Variants in DACH2 observed in about 807,000 individuals in gnomAD.
DACH2 encodes the protein dachshund family transcription factor 2.
In DACH2, 17 loss-of-function variants were observed where a neutral mutation model predicts 35.8. That is an observed-to-expected ratio of 0.48 (90% CI 0.33 to 0.71). The LOEUF (loss-of-function observed/expected upper bound fraction) is 0.71, where lower values mean the gene tolerates loss of function less well. Among genes scored for constraint, DACH2 ranks in the 30% least tolerant of loss-of-function variants. The pLI is 0.02. For synonymous variants in DACH2, 195 were observed against 177.3 expected, an observed-to-expected ratio of 1.10 and a Z score of -0.79; for missense variants, 469 against 472.7, an observed-to-expected ratio of 0.99 and a Z score of 0.07.
chrX:86,255,028 T>C (rs1477029662), intron 1 of DACH2, among the ~76,000 whole-genome samples: 2 of 107,803 alleles, frequency 1.9e-5, no homozygotes, highest in African/African-American at 6.8e-5. Context: ...GCTTCAGTAA[T>C]GGAGAGATGT....
At chrX:86,282,036 GTA>G (rs2034040015) in intron 1 of DACH2, among the ~76,000 whole-genome samples, 1 of 111,996 alleles carries the variant, frequency 8.9e-6, no homozygotes, top group Non-Finnish European at 1.9e-5. Context: ...CTATGCTCAG[GTA>G]TAGGAAGAAT....
intron 1 of DACH2, among the ~76,000 whole-genome samples, chrX:86,357,588 T>C (rs1424290290): frequency 8.9e-6 from 1 of 112,530 alleles, no homozygotes; most frequent in African/African-American, 3.2e-5. Flanking sequence ...TGTGACATTC[T>C]TCGTGTATTT....
intron 2 of DACH2, among the ~76,000 whole-genome samples, chrX:86,435,176 G>T (rs1276575110): frequency 9.0e-6 from 1 of 111,580 alleles, no homozygotes; most frequent in Non-Finnish European, 1.9e-5. Flanking sequence ...ATTTTTCAGT[G>T]AGGGCTAGAC....
rs907135498 is a variant in DACH2, at chrX:86,436,215, C to A, written c.527+59353C>A. 2.7e-5 allele frequency among the ~76,000 whole-genome samples: 3 copies of A among 110,657 alleles called. No individual in the cohort carries two copies. The Admixed American group carries it at 2.9e-4, about 11-fold the overall frequency. ...ATTTGAAGTTATGCTTATAAGGAAA[C>A]CTTGATCAACTGCCATATTAATTCA... On this transcript the variant is annotated intron_variant, in intron 2 of 11. Coordinates refer to ENST00000373125, the MANE Select transcript of DACH2 (RefSeq NM_053281.3).
intron 2 of DACH2, among the ~76,000 whole-genome samples, chrX:86,489,686 A>T (rs917840313): frequency 3.2e-4 from 36 of 111,795 alleles, no homozygotes; most frequent in African/African-American, 1.0e-3. Context: ...CTCGCTTCAT[A>T]AATTACATTT....
rs1481936008 is a variant in DACH2, at chrX:86,681,607, CTCTA to C, written c.773-13412_773-13409del. ...TCTCTCTTTCTCCCTCTCTCTCTCT[CTCTA>C]TATATATATATAATTATATATGATA... On this transcript the variant is annotated intron_variant, in intron 4 of 11. Transcript: ENST00000373125. Among the ~76,000 whole-genome samples, 519 of 101,362 alleles carry C rather than the reference CTCTA, an allele frequency of 5.1e-3. 5 individuals carry two copies. Among genetic ancestry groups the C allele is most frequent in the African/African-American group, 0.018 (493 of 27,682 alleles). The allele number at this position is 101,362 out of a possible 115,157, so 88.0% of individuals were successfully genotyped here.
intron 1 of DACH2, among the ~76,000 whole-genome samples, chrX:86,159,817 A>G (rs1380756458): frequency 9.0e-6 from 1 of 111,680 alleles, no homozygotes; most frequent in Non-Finnish European, 1.9e-5. Flanking sequence ...AAAACGTGGA[A>G]AATTAAAATA....
chrX:86,514,874 C>A (rs772767833), intron 3 of DACH2, among the ~76,000 whole-genome samples: 20 of 111,374 alleles, frequency 1.8e-4, no homozygotes, highest in Non-Finnish European at 3.4e-4. Flanking sequence ...GAAGAAGGTG[C>A]AGGTGGTCAT....
At chrX:86,828,940 G>A (rs754396415) in intron 11 of DACH2, 1 of 111,814 alleles carries the variant, frequency 8.9e-6, no homozygotes, top group South Asian at 3.7e-4. Context: ...GTCTGCCCTA[G>A]CATTAAGTTC....
intron 2 of DACH2, among the ~76,000 whole-genome samples, chrX:86,498,979 C>A (rs896574748): frequency 1.3e-4 from 14 of 111,817 alleles, no homozygotes; most frequent in Non-Finnish European, 2.4e-4. Flanking sequence ...CTTTGTATTT[C>A]TTTTACCCGT....
intron 2 of DACH2, among the ~76,000 whole-genome samples, chrX:86,386,325 T>C (rs1214963526): frequency 8.9e-6 from 1 of 111,736 alleles, no homozygotes; most frequent in East Asian, 2.8e-4. Flanking sequence ...ATTTTCATCA[T>C]ATCATGTAAA....
At chrX:86,577,687 A>G (rs2039452715) in intron 3 of DACH2, among the ~76,000 whole-genome samples, 1 of 111,581 alleles carries the variant, frequency 9.0e-6, no homozygotes, top group Admixed American at 9.6e-5. Context: ...TCTAGTCACC[A>G]GAAAGACCAA....
rs904845149 is a variant in DACH2, at chrX:86,750,524, C to T, written c.1240+10642C>T. 1.2e-4 allele frequency among the ~76,000 whole-genome samples: 13 copies of T among 111,994 alleles called. No homozygotes were observed. In the East Asian group the frequency reaches 1.4e-3, roughly 12 times the overall value. The stretch of plus-strand genomic sequence containing the variant: ...TGTTGACTGTAGGCACAATGCTGTA[C>T]AGCAGATCTCTTGAACTTATTCATT... On this transcript the variant is annotated intron_variant, in intron 7 of 11. Coordinates refer to ENST00000373125, the MANE Select transcript of DACH2 (RefSeq NM_053281.3).
intron 3 of DACH2, among the ~76,000 whole-genome samples, chrX:86,610,529 C>G (rs1330609819): frequency 9.2e-6 from 1 of 108,233 alleles, no homozygotes; most frequent in African/African-American, 3.4e-5. Flanking sequence ...CTCCACCTGC[C>G]AGGCTCAAGC....
chrX:86,240,337 GT>G (rs1456968550), intron 1 of DACH2, among the ~76,000 whole-genome samples: 1 of 110,957 alleles, frequency 9.0e-6, no homozygotes, highest in Non-Finnish European at 1.9e-5. Context: ...GTTTTGGAAT[GT>G]TAAAGTTGGC....
intron 1 of DACH2, among the ~76,000 whole-genome samples, chrX:86,246,624 A>G (rs1413320184): frequency 8.9e-6 from 1 of 112,458 alleles, no homozygotes; most frequent in Non-Finnish European, 1.9e-5. Context: ...ATGCTAAAAT[A>G]ATTTGTTACC....
chrX:86,537,754 T>A (rs1303255384), intron 3 of DACH2, among the ~76,000 whole-genome samples: 1 of 111,861 alleles, frequency 8.9e-6, no homozygotes, highest in Admixed American at 9.5e-5. Context: ...TTGGCCACAT[T>A]CTTTGCCACT....
At chrX:86,250,142 A>C (rs2033369970) in intron 1 of DACH2, among the ~76,000 whole-genome samples, 1 of 110,979 alleles carries the variant, frequency 9.0e-6, no homozygotes, top group Non-Finnish European at 1.9e-5. Context: ...TGTACACCAA[A>C]CCCCTGCATT....
At chrX:86,610,993 T>C (rs112449158) in intron 3 of DACH2, among the ~76,000 whole-genome samples, 5 of 110,650 alleles carry the variant, frequency 4.5e-5, no homozygotes, top group African/African-American at 1.6e-4. Flanking sequence ...AGTCTCTCAG[T>C]GTAGTCACCA....
Sources: allele counts gnomAD v4.1 joint callset (sites outside exome capture counted in the v4.1 genomes callset), GRCh38; gene constraint gnomAD v4.1.1; transcripts MANE v1.5; gene names NCBI Gene and HGNC (gene_info 2026-07-23, HGNC 2026-07-21).